Variants in MRPL20 observed in about 807,000 individuals in gnomAD.
MRPL20 encodes the protein large ribosomal subunit protein bL20m.
A neutral mutation model predicts 20.0 loss-of-function variants in MRPL20; 21 were observed. The observed-to-expected ratio is 1.05, with a 90% CI of 0.74 to 1.51. The LOEUF (loss-of-function observed/expected upper bound fraction) is 1.51. Ranked by LOEUF, MRPL20 falls within the 40% of genes most tolerant of loss-of-function variation. MRPL20 has a pLI of 0.00. For synonymous variants in MRPL20, 104 were observed against 73.0 expected (o/e 1.43, Z -2.17); for missense variants, 252 against 185.6 (o/e 1.36, Z -2.08).
chr1:1,405,946 A>T, intron 2 of MRPL20, 60 bp from the exon 3 acceptor site: 2 of 1,567,504 alleles, frequency 1.3e-6, no homozygotes, highest in Non-Finnish European at 8.6e-7. Context: ...GTCCCAGCAA[A>T]GCCTCTAATT....
intron 2 of MRPL20, 67 bp from the exon 3 acceptor site, chr1:1,405,953 AATTG>A (rs1645380077): frequency 6.4e-7 from 1 of 1,553,194 alleles, no homozygotes; most frequent in Non-Finnish European, 8.7e-7. Flanking sequence ...CAAAGCCTCT[AATTG>A]ATCTAAAGAA....
chr1:1,405,263 C>G (rs1645372132), intron 3 of MRPL20: 1 of 200,290 alleles, frequency 5.0e-6, no homozygotes, highest in African/African-American at 2.3e-5. Flanking sequence ...GCCTGAGCCA[C>G]CCTGCCCAGC....
intron 3 of MRPL20, among the ~76,000 whole-genome samples, chr1:1,404,159 T>C (rs1442267679): frequency 6.8e-6 from 1 of 148,032 alleles, no homozygotes; most frequent in Non-Finnish European, 1.5e-5. Flanking sequence ...TGTTTTAACT[T>C]TTTTTTTTTT....
At chr1:1,406,209 A>T (rs1645382433) in intron 2 of MRPL20, 1 of 262,336 alleles carries the variant, frequency 3.8e-6, no homozygotes, top group African/African-American at 2.3e-5. Context: ...TACAAAAAAT[A>T]GCTTGGTGGC....
At chr1:1,403,996 C>A (rs1047842882) in intron 3 of MRPL20, among the ~76,000 whole-genome samples, 1 of 151,884 alleles carries the variant, frequency 6.6e-6, no homozygotes, top group African/African-American at 2.4e-5. Flanking sequence ...GCCAGCACCA[C>A]GCCTGGCTCA....
At chr1:1,403,632 A>G (rs559408623) in intron 3 of MRPL20, among the ~76,000 whole-genome samples, 1 of 152,152 alleles carries the variant, frequency 6.6e-6, no homozygotes, top group East Asian at 1.9e-4. Context: ...GTAAAGCACC[A>G]AAGAGTGCCT....
chr1:1,405,999 G>A, intron 2 of MRPL20, 113 bp from the exon 3 acceptor site: 1 of 1,414,388 alleles, frequency 7.1e-7, no homozygotes, highest in Non-Finnish European at 9.5e-7. Flanking sequence ...CAAAATCAGT[G>A]AGCTATGATG....
rs1024727591 is a variant in MRPL20 at position 1,402,748 on chromosome 1, C to G, written c.277-492G>C. ...CTGTAATCCCAGCACTTTGGGAGGC[C>G]AAGGCAGGCAGGTCACCTGAGGTCG... On this transcript the variant is annotated intron_variant, in intron 3 of 3. Coordinates refer to ENST00000344843, the MANE Select transcript of MRPL20 (RefSeq NM_017971.4). The G allele has an allele frequency of 5.6e-6, 3 of 539,788 alleles. No homozygotes were observed. In the African/African-American group the frequency reaches 6.2e-5, roughly 11 times the overall value. 33.4% of individuals were successfully genotyped at this position (539,788 alleles called of 1,614,324 possible). A position where few individuals can be genotyped will look rare whatever the true frequency, so the allele number is the denominator to read the frequency against.
rs771956440 is a variant in MRPL20 at position 1,406,934 on chromosome 1, T to C, written c.173A>G (p.Tyr58Cys). The part of the protein sequence containing the change: ...RAFVKCTKAR[Y>C]LKKKNMRTLW... ...GGTCCTCATGTTCTTTTTCTTCAGG[T>C]ATCGGGCTTTGGTGCATTTCACAAA... Residue 58 changes from tyrosine (Y) to cysteine (C), a missense_variant, in exon 2 of 4, where the codon TAC becomes TGC. Transcript: ENST00000344843. The C allele has an allele frequency of 3.1e-6, 5 of 1,613,490 alleles. No individual in the cohort carries two copies. The highest frequency in any genetic ancestry group is 4.2e-6 in the Non-Finnish European group (5 of 1,179,632).
At chr1:1,405,784 G>C (rs757000252) in intron 3 of MRPL20, 25 bp downstream of exon 3, 6 of 1,614,134 alleles carry the variant, frequency 3.7e-6, no homozygotes, top group Non-Finnish European at 5.1e-6. Flanking sequence ...CAGAATTTCA[G>C]TGGGACCCAC....
intron 3 of MRPL20, 72 bp downstream of exon 3, chr1:1,405,737 C>G: frequency 6.2e-7 from 1 of 1,613,434 alleles, no homozygotes; most frequent in African/African-American, 1.3e-5. Context: ...CTACAGGAAG[C>G]ACCACCACGC....
At position 1,401,923 on chromosome 1, in the gene MRPL20, G is replaced by T; in HGVS notation, c.*160C>A. ...ACTCTAAAAACTGAAGAGTGTTTGA[G>T]TTTCATTCACACAAAACATGGACAT... On this transcript the variant is annotated 3_prime_UTR_variant, in exon 4 of 4. Transcript: ENST00000344843. 2 of 858,010 alleles carry T rather than the reference G, an allele frequency of 2.3e-6. No individual in the cohort carries two copies. Among genetic ancestry groups the T allele is most frequent in the East Asian group, 2.6e-5 (1 of 38,880 alleles). The allele number at this position is 858,010 out of a possible 1,614,324, so 53.1% of individuals were successfully genotyped here.
rs1050376414 is a variant in MRPL20 at position 1,402,363 on chromosome 1, G to T, written c.277-107C>A. 5 of 1,447,188 alleles carry T rather than the reference G, an allele frequency of 3.5e-6. No homozygotes were observed. The African/African-American group carries it at 4.3e-5, about 12-fold the overall frequency. 89.6% of individuals were successfully genotyped at this position (1,447,188 alleles called of 1,614,324 possible). ...AGAACCCAGCTGCACACTCGCCTGGGGGGAGGGAAGGCCTAGGAGAATCCT... is the reference window on the plus strand; with the variant it reads ...AGAACCCAGCTGCACACTCGCCTGGTGGGAGGGAAGGCCTAGGAGAATCCT... On this transcript the variant is annotated intron_variant, in intron 3 of 3. Transcript: ENST00000344843.
At chr1:1,406,822 G>T in intron 2 of MRPL20, 87 bp downstream of exon 2, 2 of 1,135,502 alleles carry the variant, frequency 1.8e-6, no homozygotes, top group Non-Finnish European at 2.7e-6. Context: ...GAGGGTGGCC[G>T]GGCGGCTGCA....
intron 3 of MRPL20, among the ~76,000 whole-genome samples, chr1:1,403,084 G>C (rs543229441): frequency 6.8e-6 from 1 of 147,146 alleles, no homozygotes; most frequent in Admixed American, 6.8e-5. Flanking sequence ...AGCCAAGATC[G>C]CGCCACTTCA....
At chr1:1,403,444 A>G (rs527835234) in intron 3 of MRPL20, among the ~76,000 whole-genome samples, 2 of 151,776 alleles carry the variant, frequency 1.3e-5, no homozygotes, top group African/African-American at 2.4e-5. Context: ...GTGTTTCACC[A>G]TGTTAGCCAG....
intron 3 of MRPL20, 59 bp downstream of exon 3, chr1:1,405,750 C>T (rs770343078): frequency 1.1e-5 from 18 of 1,613,782 alleles, no homozygotes; most frequent in South Asian, 1.1e-4. Flanking sequence ...CACCACGCCC[C>T]GCATGATGGT....
rs1018845088 is a variant in MRPL20 at position 1,402,038 on chromosome 1, T to C, written c.*45A>G. On this transcript the variant is annotated 3_prime_UTR_variant, in exon 4 of 4. Coordinates refer to ENST00000344843, the MANE Select transcript of MRPL20 (RefSeq NM_017971.4). Reference sequence around the variant, plus strand: ...AAACAAAAGTATAAATCAAACAAACTGCAAATTACTCTGTCTCTTTTCCTA... The same window carrying C: ...AAACAAAAGTATAAATCAAACAAACCGCAAATTACTCTGTCTCTTTTCCTA... 3.8e-6 allele frequency: 6 copies of C among 1,570,082 alleles called. No individual in the cohort carries two copies. The highest frequency in any genetic ancestry group is 4.3e-6 in the Non-Finnish European group (5 of 1,157,502).
rs1455483664 is a variant in MRPL20 at position 1,407,023 on chromosome 1, G to C, written c.88-4C>G. 1 of 1,613,318 alleles carries C rather than the reference G, an allele frequency of 6.2e-7. No homozygotes were observed. Among genetic ancestry groups the C allele is most frequent in the Admixed American group, 1.7e-5 (1 of 60,018 alleles). On this transcript the variant is annotated splice_polypyrimidine_tract_variant and splice_region_variant and intron_variant, in intron 1 of 3. Transcript: ENST00000344843. ...GATTTTTCCTTCCCCGGAAGTGCTG[G>C]GACAGAAAACGAGAAACCAGGGTTG...
Sources: allele counts gnomAD v4.1 joint callset (sites outside exome capture counted in the v4.1 genomes callset), GRCh38; gene constraint gnomAD v4.1.1; transcripts MANE v1.5; gene names NCBI Gene and HGNC (gene_info 2026-07-23, HGNC 2026-07-21).